Variants in C2orf80 observed in about 807,000 individuals in gnomAD.
C2orf80 encodes chromosome 2 open reading frame 80.
Under a neutral mutation model 30.2 loss-of-function variants are expected in C2orf80, and 28 were observed. The observed-to-expected ratio is 0.93, with a 90% CI of 0.69 to 1.27. The LOEUF (loss-of-function observed/expected upper bound fraction) is 1.27. C2orf80 is among the 50% of genes most tolerant of loss of function. C2orf80 has a pLI of 0.00. For synonymous variants in C2orf80, 80 were observed against 76.4 expected, an observed-to-expected ratio of 1.05 and a Z score of -0.24; for missense variants, 220 against 231.0, an observed-to-expected ratio of 0.95 and a Z score of 0.31.
At chr2:208,183,203 A>T (rs932433766) in intron 3 of C2orf80, among the ~76,000 whole-genome samples, 156 bp from the exon 4 acceptor site, 65 of 145,614 alleles carry the variant, frequency 4.5e-4, no homozygotes, top group African/African-American at 1.6e-3. Context: ...GCTCGGCCAG[A>T]TTTTTTTTTT....
Position 208,187,140 on chromosome 2 carries a change from A to G in C2orf80, c.-75-79T>C, listed in dbSNP as rs1244403834. On this transcript the variant is annotated intron_variant, in intron 1 of 8. Coordinates refer to ENST00000341287, the MANE Select transcript of C2orf80 (RefSeq NM_001099334.3). ...CCAGTCATGGAGTCCTAGGCTCTGG[A>G]AGGGATCTGAGGGAGCACCTCATTC... 4 of 688,038 alleles carry G rather than the reference A, an allele frequency of 5.8e-6. No individual in the cohort carries two copies. The African/African-American group carries it at 7.2e-5, about 12-fold the overall frequency. The allele number at this position is 688,038 out of a possible 1,614,324, so 42.6% of individuals were successfully genotyped here.
intron 6 of C2orf80, 109 bp from the exon 7 acceptor site, chr2:208,172,184 A>G (rs534916352): frequency 6.9e-5 from 59 of 854,790 alleles, no homozygotes; most frequent in Non-Finnish European, 1.1e-4. Context: ...CTTGAGTCCA[A>G]TTGTTGAGTA....
intron 6 of C2orf80, among the ~76,000 whole-genome samples, chr2:208,176,907 G>A (rs1424468808): frequency 9.9e-5 from 1 of 10,136 alleles, no homozygotes; most frequent in Non-Finnish European, 2.9e-4. Flanking sequence ...ATACATATCT[G>A]TGTATACATA....
In C2orf80 at chr2:208,185,026, A is replaced by G. The variant is rs780094744; in HGVS notation, c.48T>C (p.Asp16=). The change falls in exon 3 of 9, where the codon GAT becomes GAC. Residue 16 remains aspartate (D), a synonymous_variant. Coordinates refer to ENST00000341287, the MANE Select transcript of C2orf80 (RefSeq NM_001099334.3). ...IKKEMKKLLG[D]YIGIRLRENE... Reference sequence around the variant, plus strand: ...TTTCCCGAAGTCTGATGCCAATATAATCTCCCCTTAAAAGCAAGAGAGCAG... The same window carrying G: ...TTTCCCGAAGTCTGATGCCAATATAGTCTCCCCTTAAAAGCAAGAGAGCAG... 6.2e-7 allele frequency: 1 copy of G among 1,613,154 alleles called. No homozygotes were observed. Among genetic ancestry groups the G allele is most frequent in the South Asian group, 1.1e-5 (1 of 91,050 alleles).
chr2:208,172,113 T>G, intron 6 of C2orf80, 38 bp from the exon 7 acceptor site: 1 of 1,507,276 alleles, frequency 6.6e-7, no homozygotes, highest in East Asian at 2.3e-5. Flanking sequence ...AATCTGTCCA[T>G]CATCTGCGGC....
intron 8 of C2orf80, among the ~76,000 whole-genome samples, chr2:208,166,345 C>T (rs539612581): frequency 5.9e-5 from 9 of 152,186 alleles, no homozygotes; most frequent in Non-Finnish European, 8.8e-5. Context: ...ATTAACCATT[C>T]GTGACTGTAT....
chr2:208,177,073 A>G (rs1696375528), intron 6 of C2orf80, among the ~76,000 whole-genome samples: 1 of 143,226 alleles, frequency 7.0e-6, no homozygotes, highest in Non-Finnish European at 1.5e-5. Context: ...ACATATACGT[A>G]TATAGATAAT....
At chr2:208,185,095 G>A (rs915778090) in intron 2 of C2orf80, 63 bp from the exon 3 acceptor site, 43 of 1,299,328 alleles carry the variant, frequency 3.3e-5, no homozygotes, top group Non-Finnish European at 4.3e-5. Flanking sequence ...GCAGAAAAAG[G>A]CTTTTTTTTT....
intron 6 of C2orf80, among the ~76,000 whole-genome samples, chr2:208,175,050 G>A (rs977524190): frequency 2.0e-5 from 3 of 152,164 alleles, no homozygotes; most frequent in Non-Finnish European, 4.4e-5. Flanking sequence ...GAGGCCGAGG[G>A]GGGTGGGTGG....
At position 208,175,748 on chromosome 2, in the gene C2orf80, T is replaced by TA. The variant is rs571879521; in HGVS notation, c.367-3674dup. 2.4e-3 allele frequency among the ~76,000 whole-genome samples: 364 copies of TA among 151,558 alleles called. 2 individuals carry two copies. The highest frequency in any genetic ancestry group is 7.7e-3 in the African/African-American group (318 of 41,362). On this transcript the variant is annotated intron_variant, in intron 6 of 8. Coordinates refer to ENST00000341287, the MANE Select transcript of C2orf80 (RefSeq NM_001099334.3). ...TCTCTTGCAATATCGTTTTTTTTTT[T>TA]AAAAAACTCTAGTTAAAACCATTTT... is the stretch of plus-strand genomic sequence containing the variant.
At chr2:208,169,231 C>G (rs1696011669) in intron 8 of C2orf80, among the ~76,000 whole-genome samples, 1 of 31,056 alleles carries the variant, frequency 3.2e-5, no homozygotes, top group Admixed American at 4.8e-4. Flanking sequence ...TTTCAGAGAT[C>G]TTTTTGTGTG....
chr2:208,181,651 C>G lies in C2orf80; in HGVS notation c.207-346G>C, dbSNP rs141779982. Reference sequence around the variant, plus strand: ...GGAACTACCTAACCCCACTGTAAGCCTATATGCTTCTAGGGAAGCTGACTA... The same window carrying G: ...GGAACTACCTAACCCCACTGTAAGCGTATATGCTTCTAGGGAAGCTGACTA... On this transcript the variant is annotated intron_variant, in intron 4 of 8. Transcript: ENST00000341287. Among the ~76,000 whole-genome samples the G allele has an allele frequency of 4.2e-3, 634 of 152,124 alleles. 5 individuals carry two copies. Among genetic ancestry groups the G allele is most frequent in the African/African-American group, 0.014 (589 of 41,482 alleles).
At chr2:208,177,326 G>C (rs974711968) in intron 6 of C2orf80, among the ~76,000 whole-genome samples, 6 of 151,850 alleles carry the variant, frequency 4.0e-5, no homozygotes, top group Admixed American at 3.3e-4. Context: ...TGGATCACCT[G>C]AGATCAGGAG....
chr2:208,180,447 C>A (rs371226568), intron 6 of C2orf80, among the ~76,000 whole-genome samples: 3 of 145,080 alleles, frequency 2.1e-5, no homozygotes, highest in East Asian at 1.9e-4. Flanking sequence ...GAGACTCTGT[C>A]TCAAAAAAAA....
intron 7 of C2orf80, 145 bp downstream of exon 7, chr2:208,171,843 C>G: frequency 1.3e-6 from 1 of 764,284 alleles, no homozygotes; most frequent in Non-Finnish European, 2.3e-6. Flanking sequence ...GGAAATCAAG[C>G]CCTAAGAGCC....
At chr2:208,187,983 G>T (rs1696767369) in intron 1 of C2orf80, among the ~76,000 whole-genome samples, 1 of 151,926 alleles carries the variant, frequency 6.6e-6, no homozygotes, top group Non-Finnish European at 1.5e-5. Context: ...CTGGCAGCTG[G>T]CCTCCTCTAT....
chr2:208,169,712 CAAAA>C (rs9288388), intron 8 of C2orf80, among the ~76,000 whole-genome samples: 23 of 112,416 alleles, frequency 2.0e-4, no homozygotes, highest in Non-Finnish European at 2.6e-4. Flanking sequence ...GACTCTGTCT[CAAAA>C]AAAAAAAAAA....
At chr2:208,169,991 C>T (rs1374208) in intron 8 of C2orf80, among the ~76,000 whole-genome samples, 133,748 of 152,144 alleles carry the variant, frequency 0.88, 59,050 homozygotes, top group Non-Finnish European at 0.92. Flanking sequence ...AAATCCTAAG[C>T]CTCATGTAGT....
intron 6 of C2orf80, among the ~76,000 whole-genome samples, chr2:208,178,865 A>C (rs11674342): frequency 0.99 from 151,364 of 152,200 alleles, 75,271 homozygotes; most frequent in Middle Eastern, 1. Context: ...TCAAGAGATT[A>C]TCCTGCCTCA....
Sources: gnomAD v4.1 joint callset for allele counts (sites outside exome capture counted in the v4.1 genomes callset) on GRCh38, gnomAD v4.1.1 for gene constraint, MANE v1.5 for transcripts, NCBI Gene and HGNC (gene_info 2026-07-23, HGNC 2026-07-21) for gene names.